Variants in TENM1 observed in about 807,000 individuals in gnomAD.
TENM1 encodes teneurin-1.
In TENM1, 35 loss-of-function variants were observed where a neutral mutation model predicts 174.8. That is an observed-to-expected ratio of 0.20 (90% CI 0.15 to 0.27). The LOEUF is 0.27. TENM1 is among the 10% of genes least tolerant of loss of function. TENM1 has a pLI of 1.00. For missense variants in TENM1, 1,633 were observed against 2,130.1 expected, an observed-to-expected ratio of 0.77 and a Z score of 4.59; for synonymous variants, 781 against 798.7, an observed-to-expected ratio of 0.98 and a Z score of 0.37.
exon 32 of TENM1, chrX:124,380,471 C>A (rs1443554211): frequency 1.8e-5 from 19 of 1,082,614 alleles, no homozygotes; most frequent in Non-Finnish European, 2.3e-5. Flanking sequence ...AAAACCAATA[C>A]AATAAACCAT....
At chrX:124,668,710 G>A (rs1312105103) in intron 6 of TENM1, among the ~76,000 whole-genome samples, 1 of 108,681 alleles carries the variant, frequency 9.2e-6, no homozygotes, top group Non-Finnish European at 1.9e-5. Context: ...GGGGTGGGGG[G>A]AGTGGGGAGG....
chrX:124,915,143 T>A (rs1441888788), intron 1 of TENM1, among the ~76,000 whole-genome samples: 1 of 111,992 alleles, frequency 8.9e-6, no homozygotes, highest in Non-Finnish European at 1.9e-5. Context: ...ATTAGGTCCT[T>A]CTTTCTCTGG....
At chrX:124,450,111 G>A (rs972964051) in intron 23 of TENM1, among the ~76,000 whole-genome samples, 3 of 110,829 alleles carry the variant, frequency 2.7e-5, no homozygotes, top group Non-Finnish European at 3.8e-5. Context: ...AGCTGTTCTC[G>A]TGATAGTGCA....
the TENM1 span, among the ~76,000 whole-genome samples, chrX:125,088,180 A>G: frequency 9.0e-6 from 1 of 111,504 alleles, no homozygotes; most frequent in Non-Finnish European, 1.9e-5. Flanking sequence ...CCAAACCCCA[A>G]TCTAATCATA....
chrX:125,184,624 G>A, the TENM1 span, among the ~76,000 whole-genome samples: 1 of 111,530 alleles, frequency 9.0e-6, no homozygotes, highest in South Asian at 3.7e-4. Flanking sequence ...TATATTTTTA[G>A]AAGGGCAATG....
the TENM1 span, among the ~76,000 whole-genome samples, chrX:125,070,202 A>T: frequency 9.1e-6 from 1 of 109,419 alleles, no homozygotes; most frequent in East Asian, 2.9e-4. Flanking sequence ...AATAATAATA[A>T]TAATAATAAT....
chrX:124,787,722 A>T (rs191994730), intron 3 of TENM1, among the ~76,000 whole-genome samples: 6 of 112,403 alleles, frequency 5.3e-5, no homozygotes, highest in Non-Finnish European at 1.1e-4. Flanking sequence ...CAAATTTCCA[A>T]TAAAAATATT....
At chrX:124,655,190 C>A (rs1331279064) in intron 6 of TENM1, among the ~76,000 whole-genome samples, 1 of 111,533 alleles carries the variant, frequency 9.0e-6, no homozygotes, top group Non-Finnish European at 1.9e-5. Context: ...TCAAAGCTAA[C>A]CCCGTGATTG....
intron 22 of TENM1, among the ~76,000 whole-genome samples, chrX:124,455,963 A>G (rs2061100606): frequency 9.0e-6 from 1 of 111,604 alleles, no homozygotes; most frequent in Non-Finnish European, 1.9e-5. Context: ...CTTGACTACC[A>G]CACTTCTCAT....
chrX:124,524,113 T>C (rs1325941955), intron 16 of TENM1, among the ~76,000 whole-genome samples: 1 of 110,725 alleles, frequency 9.0e-6, no homozygotes, highest in Non-Finnish European at 1.9e-5. Flanking sequence ...TGACCTTAGA[T>C]GATTCACCCG....
chrX:125,136,448 T>C, the TENM1 span, among the ~76,000 whole-genome samples: 1 of 112,083 alleles, frequency 8.9e-6, no homozygotes, highest in Non-Finnish European at 1.9e-5. Context: ...AGTTCTATTA[T>C]TTTAACTATT....
intron 25 of TENM1, 82 bp downstream of exon 28, chrX:124,420,229 G>T: frequency 9.9e-7 from 1 of 1,005,584 alleles, no homozygotes; most frequent in Non-Finnish European, 1.4e-6. Context: ...GCAACACTCA[G>T]CAATTACTAA....
chrX:124,481,695 G>GTGTATATATATATATATA (rs1556647047), intron 22 of TENM1, 37 bp downstream of exon 25: 17 of 263,923 alleles, frequency 6.4e-5, no homozygotes, highest in Non-Finnish European at 8.0e-5. Context: ...TGACCCAAGG[G>GTGTATATATATATATATA]TATATATATA....
intron 1 of TENM1, among the ~76,000 whole-genome samples, chrX:124,943,812 C>T (rs2058364158): frequency 8.9e-6 from 1 of 111,835 alleles, no homozygotes; most frequent in African/African-American, 3.2e-5. Flanking sequence ...GAATTGTTTA[C>T]TTTTATTATT....
chrX:125,035,083 A>G, the TENM1 span, among the ~76,000 whole-genome samples: 1 of 111,967 alleles, frequency 8.9e-6, no homozygotes, highest in African/African-American at 3.2e-5. Context: ...TTTGGCTTCT[A>G]TTTTCCAGAT....
chrX:124,523,333 A>C, intron 17 of TENM1, 31 bp downstream of exon 20: 1 of 1,198,326 alleles, frequency 8.3e-7, no homozygotes, highest in African/African-American at 1.7e-5. Flanking sequence ...TGATATTATT[A>C]TTTTATACAT....
chrX:125,074,699 C>T, the TENM1 span, among the ~76,000 whole-genome samples: 2 of 111,162 alleles, frequency 1.8e-5, no homozygotes, highest in Non-Finnish European at 3.8e-5. Context: ...CTCAACTATC[C>T]CAATATTCCC....
In TENM1 at chrX:124,601,322, G is replaced by A. The variant is rs2050020976; in HGVS notation, c.2078-35762C>T. Among the ~76,000 whole-genome samples, 3 of 111,155 alleles carry A rather than the reference G, an allele frequency of 2.7e-5. No homozygotes were observed. In the South Asian group the frequency reaches 1.1e-3, roughly 42 times the overall value. ...AGAAACTTTGGAGTCAAACTTACGTGTGAGAGAAAGTGGGAGAAAAGTGGG... is the reference window on the plus strand; with the variant it reads ...AGAAACTTTGGAGTCAAACTTACGTATGAGAGAAAGTGGGAGAAAAGTGGG... On this transcript the variant is annotated intron_variant, in intron 11 of 31. Coordinates refer to ENST00000422452, the Ensembl canonical transcript of TENM1.
At chrX:125,089,128 A>C in the TENM1 span, among the ~76,000 whole-genome samples, 1 of 111,627 alleles carries the variant, frequency 9.0e-6, no homozygotes, top group Admixed American at 9.5e-5. Flanking sequence ...CTTATAGCTC[A>C]AAGGACCTCA....
Sources: allele counts gnomAD v4.1 joint callset (sites outside exome capture counted in the v4.1 genomes callset), GRCh38; gene constraint gnomAD v4.1.1; transcripts MANE v1.5; gene names NCBI Gene and HGNC (gene_info 2026-07-23, HGNC 2026-07-21).